The following FAM184B variants were observed in gnomAD, a reference collection of about 807,000 sequenced individuals.
The protein encoded by FAM184B is protein FAM184B.
In FAM184B, 111 loss-of-function variants were observed where a neutral mutation model predicts 135.9. That is an observed-to-expected ratio of 0.82 (90% CI 0.70 to 0.96). The LOEUF is 0.96. FAM184B is among the 40% of genes least tolerant of loss of function. The pLI is 0.00. For synonymous variants in FAM184B, 552 were observed against 524.8 expected (o/e 1.05, Z -0.71); for missense variants, 1,375 against 1,323.9 (o/e 1.04, Z -0.60).
intron 1 of FAM184B, among the ~76,000 whole-genome samples, chr4:17,757,472 T>C (rs1370087852): frequency 1.3e-5 from 2 of 152,178 alleles, no homozygotes; most frequent in African/African-American, 4.8e-5. Flanking sequence ...TTTTGTGATA[T>C]TAGTAGGATT....
At chr4:17,679,849 A>G (rs140619191) in intron 7 of FAM184B, among the ~76,000 whole-genome samples, 2,170 of 152,308 alleles carry the variant, frequency 0.014, 23 homozygotes, top group Non-Finnish European at 0.02. Context: ...TCAGCCATAA[A>G]AAGGAAGAAA....
chr4:17,751,924 G>A (rs533143698), intron 1 of FAM184B, among the ~76,000 whole-genome samples: 1 of 147,546 alleles, frequency 6.8e-6, no homozygotes, highest in South Asian at 2.2e-4. Context: ...GCAAACTCTA[G>A]TTCAGGAACC....
At chr4:17,641,504 A>G (rs1577242631) in intron 13 of FAM184B, among the ~76,000 whole-genome samples, 6 of 78,042 alleles carry the variant, frequency 7.7e-5, no homozygotes, top group African/African-American at 1.6e-4. Context: ...TTTGAGACGG[A>G]GTCTTGCATT....
chr4:17,676,625 GGT>G (rs774175435), intron 7 of FAM184B, among the ~76,000 whole-genome samples: 2 of 152,236 alleles, frequency 1.3e-5, no homozygotes, highest in South Asian at 4.1e-4. Context: ...ACTTTATTGT[GGT>G]GGTCTAGAAC....
rs185261433 is a variant in FAM184B, at chr4:17,744,706, C to T, written c.142-35062G>A. 8.9e-3 allele frequency among the ~76,000 whole-genome samples: 1,323 copies of T among 149,336 alleles called. 20 individuals are homozygous for T. The highest frequency in any genetic ancestry group is 0.031 in the African/African-American group (1,262 of 40,532). ...TTGCACTCCAGCCTGGGGGACAGAG[C>T]GAGACTCCATCTCAAAAAAAAAAAA... is the stretch of plus-strand genomic sequence containing the variant. On this transcript the variant is annotated intron_variant, in intron 1 of 17. Transcript: ENST00000265018.
intron 1 of FAM184B, among the ~76,000 whole-genome samples, chr4:17,733,339 T>A (rs1221101675): frequency 1.3e-5 from 2 of 152,080 alleles, no homozygotes; most frequent in East Asian, 3.9e-4. Flanking sequence ...CTGGCCACGG[T>A]AATCAGGCAG....
chr4:17,652,716 C>T (rs1241814628), intron 11 of FAM184B, 114 bp downstream of exon 11: 2 of 1,246,638 alleles, frequency 1.6e-6, no homozygotes, highest in Non-Finnish European at 1.1e-6. Context: ...ATTCCCGGAG[C>T]CGTGGCCTGT....
At chr4:17,700,752 CT>C (rs1422652297) in intron 5 of FAM184B, among the ~76,000 whole-genome samples, 20 of 152,028 alleles carry the variant, frequency 1.3e-4, no homozygotes, top group Admixed American at 1.2e-3. Context: ...CAAAAACAAG[CT>C]GAAAAAATTT....
rs372487839 is a variant in FAM184B at position 17,752,265 on chromosome 4, G to C, written c.141+28894C>G. Among the ~76,000 whole-genome samples the C allele has an allele frequency of 5.3e-5, 8 of 152,254 alleles. No individual in the cohort carries two copies. The East Asian group carries it at 1.5e-3, about 29-fold the overall frequency. Reference sequence around the variant, plus strand: ...GTTTTGGAATTGGAGTTTCAAGAGAGATTTTGATCCCGTGTCTGACATGGG... The same window carrying C: ...GTTTTGGAATTGGAGTTTCAAGAGACATTTTGATCCCGTGTCTGACATGGG... On this transcript the variant is annotated intron_variant, in intron 1 of 17. Coordinates refer to ENST00000265018, the MANE Select transcript of FAM184B (RefSeq NM_015688.2).
In FAM184B at chr4:17,764,455, G is replaced by A. The variant is rs141294479; in HGVS notation, c.141+16704C>T. 3.3e-5 allele frequency among the ~76,000 whole-genome samples: 5 copies of A among 152,248 alleles called. No individual in the cohort carries two copies. The East Asian group carries it at 9.7e-4, about 29-fold the overall frequency. On this transcript the variant is annotated intron_variant, in intron 1 of 17. Transcript: ENST00000265018. The stretch of plus-strand genomic sequence containing the variant: ...TTTGCATCTCTTGGTATTTCCACTG[G>A]CACCCAGAGAGGCCTCAGTATGCCT...
At chr4:17,769,362 ACTTTTT>A (rs1046496700) in intron 1 of FAM184B, among the ~76,000 whole-genome samples, 16 of 152,090 alleles carry the variant, frequency 1.1e-4, no homozygotes, top group Middle Eastern at 3.4e-3. Context: ...TTCTTTAAAA[ACTTTTT>A]CTTTTTGCTT....
Position 17,686,819 on chromosome 4 carries a change from G to A in FAM184B, c.1596+1605C>T, listed in dbSNP as rs191435938. On this transcript the variant is annotated intron_variant, in intron 7 of 17. Coordinates refer to ENST00000265018, the MANE Select transcript of FAM184B (RefSeq NM_015688.2). ...TAGCTGGGCCTGGTGGCATGCACAT[G>A]AGGTCCCAGCTACTCGGGAGGCTGA... Among the ~76,000 whole-genome samples the A allele has an allele frequency of 7.2e-5, 11 of 152,350 alleles. No homozygotes were observed. The East Asian group carries it at 1.9e-3, about 27-fold the overall frequency.
chr4:17,726,564 G>A (rs1201811940), intron 1 of FAM184B, among the ~76,000 whole-genome samples: 2 of 152,086 alleles, frequency 1.3e-5, no homozygotes, highest in Non-Finnish European at 2.9e-5. Flanking sequence ...TAGAGACGGG[G>A]TTTCACCATG....
At chr4:17,676,580 C>T (rs1716313656) in intron 7 of FAM184B, among the ~76,000 whole-genome samples, 1 of 152,050 alleles carries the variant, frequency 6.6e-6, no homozygotes, top group Non-Finnish European at 1.5e-5. Flanking sequence ...ATTGGGAAAC[C>T]AATAAATTTG....
intron 5 of FAM184B, among the ~76,000 whole-genome samples, chr4:17,699,103 A>G (rs1376728907): frequency 6.6e-6 from 1 of 152,154 alleles, no homozygotes; most frequent in Admixed American, 6.5e-5. Flanking sequence ...GCTAAAAATT[A>G]TAATATCTAA....
At chr4:17,685,930 A>C (rs978058903) in intron 7 of FAM184B, among the ~76,000 whole-genome samples, 2 of 152,024 alleles carry the variant, frequency 1.3e-5, no homozygotes, top group Admixed American at 6.6e-5. Context: ...ACATACCTAG[A>C]ATTTCTATGT....
At position 17,716,590 on chromosome 4, in the gene FAM184B, C is replaced by T. The variant is rs1159374480; in HGVS notation, c.142-6946G>A. Among the ~76,000 whole-genome samples the T allele has an allele frequency of 5.3e-5, 8 of 152,288 alleles. 1 individual carries two copies. The highest frequency in any genetic ancestry group is 1.5e-5 in the Non-Finnish European group (1 of 68,026). ...CGAACTCCTGGGCTCAAGTCATCTG[C>T]TCGCCTCAGCCTCCAAGAGTGCTGG... On this transcript the variant is annotated intron_variant, in intron 1 of 17. Transcript: ENST00000265018.
intron 10 of FAM184B, among the ~76,000 whole-genome samples, chr4:17,653,459 C>T (rs1715686385): frequency 2.0e-5 from 3 of 152,202 alleles, no homozygotes; most frequent in Admixed American, 2.0e-4. Context: ...GGGGTCCCTA[C>T]AGCTTTTCAG....
chr4:17,766,565 C>T (rs1250320041), intron 1 of FAM184B, among the ~76,000 whole-genome samples: 1 of 151,996 alleles, frequency 6.6e-6, no homozygotes, highest in East Asian at 1.9e-4. Context: ...TATTTACAAT[C>T]CCTTAGCTAG....
Sources: allele counts gnomAD v4.1 joint callset (sites outside exome capture counted in the v4.1 genomes callset), GRCh38; gene constraint gnomAD v4.1.1; transcripts MANE v1.5; gene names NCBI Gene and HGNC (gene_info 2026-07-23, HGNC 2026-07-21).